RBFOX1: variants seen among roughly 807,000 people sequenced by gnomAD.
The protein encoded by RBFOX1 is RNA binding fox-1 homolog 1.
In RBFOX1, 8 loss-of-function variants were observed where a neutral mutation model predicts 57.7. The observed-to-expected ratio is 0.14, with a 90% CI of 0.08 to 0.25. The LOEUF is 0.25. RBFOX1 is among the 10% of genes least tolerant of loss of function. RBFOX1 has a pLI of 1.00. For missense variants in RBFOX1, 611 were observed against 548.5 expected, an observed-to-expected ratio of 1.11 and a Z score of -1.14; for synonymous variants, 326 against 222.4, an observed-to-expected ratio of 1.47 and a Z score of -4.15.
At chr16:6,235,871 G>C (rs547113268) in intron 1 of RBFOX1, among the ~76,000 whole-genome samples, 3 of 152,076 alleles carry the variant, frequency 2.0e-5, no homozygotes, top group Non-Finnish European at 4.4e-5. Flanking sequence ...GGGTGAGAAA[G>C]GGGTGAGGGA....
intron 3 of RBFOX1, among the ~76,000 whole-genome samples, chr16:6,660,379 C>T (rs1033837581): frequency 1.1e-4 from 17 of 152,166 alleles, no homozygotes; most frequent in Non-Finnish European, 2.4e-4. Flanking sequence ...ACATCCCGCA[C>T]ATGTACCCCA....
intron 4 of RBFOX1, among the ~76,000 whole-genome samples, chr16:7,187,168 CAAAAAATAAATA>C (rs929596021): frequency 6.6e-6 from 1 of 151,346 alleles, no homozygotes; most frequent in Non-Finnish European, 1.5e-5. Flanking sequence ...TACTCTGTCT[CAAAAAATAAATA>C]AAAAAATAAA....
intron 4 of RBFOX1, among the ~76,000 whole-genome samples, chr16:7,409,825 G>C (rs1597716912): frequency 6.6e-6 from 1 of 152,148 alleles, no homozygotes; most frequent in Non-Finnish European, 1.5e-5. Flanking sequence ...TTTCTCTTTA[G>C]TCCCATTGCT....
intron 1 of RBFOX1, among the ~76,000 whole-genome samples, chr16:6,179,401 G>A (rs898699953): frequency 6.6e-5 from 10 of 152,140 alleles, no homozygotes; most frequent in Non-Finnish European, 1.3e-4. Context: ...TCTGTATAAA[G>A]GAATAATTCT....
intron 3 of RBFOX1, among the ~76,000 whole-genome samples, chr16:5,831,829 T>C (rs1427645206): frequency 6.6e-6 from 1 of 152,120 alleles, no homozygotes; most frequent in African/African-American, 2.4e-5. Flanking sequence ...AGTGGTGAAA[T>C]AAACAAATTA....
intron 3 of RBFOX1, among the ~76,000 whole-genome samples, chr16:6,984,302 A>G (rs749307401): frequency 1.4e-4 from 21 of 152,132 alleles, no homozygotes; most frequent in Non-Finnish European, 2.8e-4. Flanking sequence ...TGACCTAGAG[A>G]AATTTGACCA....
chr16:7,598,125 T>C (rs1043449782), intron 9 of RBFOX1, among the ~76,000 whole-genome samples: 1 of 152,198 alleles, frequency 6.6e-6, no homozygotes, highest in Non-Finnish European at 1.5e-5. Flanking sequence ...TCAAAATAAG[T>C]ATCTCTTAAG....
rs538832314 is a variant in RBFOX1, at chr16:7,520,118, C to G, written c.270+1729C>G. Among the ~76,000 whole-genome samples the G allele has an allele frequency of 3.9e-5, 6 of 152,182 alleles. No individual in the cohort carries two copies. The South Asian group carries it at 1.2e-3, about 32-fold the overall frequency. On this transcript the variant is annotated intron_variant, in intron 5 of 15. Transcript: ENST00000550418. The stretch of plus-strand genomic sequence containing the variant: ...TCCAGGATGATCTCAATCTCCTGAC[C>G]TCGCGATCTGCCTGTCTCGGCCTCC...
At chr16:6,193,048 G>C (rs2097151807) in intron 1 of RBFOX1, among the ~76,000 whole-genome samples, 1 of 152,056 alleles carries the variant, frequency 6.6e-6, no homozygotes. Context: ...ATGAAGAAAT[G>C]TATAATTAAA....
At chr16:7,518,635 T>G (rs1320553959) in intron 5 of RBFOX1, among the ~76,000 whole-genome samples, 1 of 152,244 alleles carries the variant, frequency 6.6e-6, no homozygotes, top group Admixed American at 6.5e-5. Context: ...TTTATCAATT[T>G]TCTATTCCTA....
intron 1 of RBFOX1, among the ~76,000 whole-genome samples, chr16:5,399,733 TAAA>T (rs5815242): frequency 7.0e-6 from 1 of 143,264 alleles, no homozygotes; most frequent in Admixed American, 6.9e-5. Context: ...GACCCTGTCT[TAAA>T]AAAAAAAAAA....
At chr16:7,640,014 T>C (rs1480627982) in intron 11 of RBFOX1, among the ~76,000 whole-genome samples, 1 of 152,236 alleles carries the variant, frequency 6.6e-6, no homozygotes, top group African/African-American at 2.4e-5. Context: ...TGCTCAACTT[T>C]TCCCATGTCC....
intron 3 of RBFOX1, among the ~76,000 whole-genome samples, chr16:6,750,204 A>G (rs1026323243): frequency 2.6e-5 from 4 of 152,322 alleles, no homozygotes; most frequent in East Asian, 3.9e-4. Flanking sequence ...AGCAAAACCT[A>G]TTGAATTGTG....
chr16:6,858,188 G>A (rs949021819), intron 3 of RBFOX1, among the ~76,000 whole-genome samples: 1 of 152,188 alleles, frequency 6.6e-6, no homozygotes, highest in Admixed American at 6.5e-5. Context: ...ACTCATAAGT[G>A]TCCTTTTCAA....
chr16:5,304,586 C>A (rs2063886774), intron 1 of RBFOX1, among the ~76,000 whole-genome samples: 1 of 152,204 alleles, frequency 6.6e-6, no homozygotes, highest in Non-Finnish European at 1.5e-5. Context: ...GAATAAATAT[C>A]TATTAAGCTC....
At chr16:6,172,646 A>G (rs2096970281) in intron 1 of RBFOX1, among the ~76,000 whole-genome samples, 1 of 152,136 alleles carries the variant, frequency 6.6e-6, no homozygotes, top group Admixed American at 6.5e-5. Context: ...CAATGTAGAA[A>G]CTTCATCACA....
intron 1 of RBFOX1, among the ~76,000 whole-genome samples, chr16:6,232,678 C>G (rs1265816102): frequency 1.3e-5 from 2 of 152,122 alleles, no homozygotes; most frequent in African/African-American, 4.8e-5. Flanking sequence ...AGGTTCAAAC[C>G]TATTTAAGGT....
chr16:6,535,374 G>C (rs1455913030), intron 2 of RBFOX1, among the ~76,000 whole-genome samples: 1 of 152,116 alleles, frequency 6.6e-6, no homozygotes, highest in Non-Finnish European at 1.5e-5. Context: ...AATTGTCATG[G>C]ACGAAGATTC....
intron 4 of RBFOX1, among the ~76,000 whole-genome samples, chr16:7,414,147 G>A (rs928775478): frequency 2.6e-5 from 4 of 152,164 alleles, no homozygotes; most frequent in Non-Finnish European, 5.9e-5. Flanking sequence ...CCATTCATTC[G>A]TTCTTCACTT....
Sources: gnomAD v4.1 joint callset for allele counts (sites outside exome capture counted in the v4.1 genomes callset) on GRCh38, gnomAD v4.1.1 for gene constraint, MANE v1.5 for transcripts, NCBI Gene and HGNC (gene_info 2026-07-23, HGNC 2026-07-21) for gene names.